Variants in EPN2 observed in about 807,000 individuals in gnomAD.
The protein encoded by EPN2 is epsin 2.
EPN2 carries 34 observed loss-of-function variants against 61.7 expected under a neutral mutation model. That is an observed-to-expected ratio of 0.55 (90% CI 0.42 to 0.73). The LOEUF (loss-of-function observed/expected upper bound fraction) is 0.73, where lower values mean the gene tolerates loss of function less well. EPN2 is among the 30% of genes least tolerant of loss of function. The probability of loss-of-function intolerance (pLI) is 0.00; values close to 1 mark genes in which losing one functional copy is unlikely to be tolerated. For synonymous variants in EPN2, 349 were observed against 353.6 expected (o/e 0.99, Z 0.15); for missense variants, 714 against 839.2 (o/e 0.85, Z 1.84).
chr17:19,240,990 G>A (rs1010405109), intron 1 of EPN2, among the ~76,000 whole-genome samples: 2 of 152,196 alleles, frequency 1.3e-5, no homozygotes, highest in Admixed American at 6.5e-5. Context: ...CAGTTGCATA[G>A]GTTTATCCAC....
chr17:19,295,319 G>A (rs1483906496), intron 4 of EPN2, among the ~76,000 whole-genome samples: 2 of 150,174 alleles, frequency 1.3e-5, no homozygotes, highest in East Asian at 4.0e-4. Flanking sequence ...CCAACGCAGT[G>A]AAACCCCATC....
chr17:19,327,870 C>T (rs907344172), intron 7 of EPN2, among the ~76,000 whole-genome samples: 6 of 152,100 alleles, frequency 3.9e-5, no homozygotes, highest in Non-Finnish European at 8.8e-5. Context: ...TTTCTGGTCC[C>T]TGAGAGGCGG....
chr17:19,248,658 T>A (rs1480455712), intron 1 of EPN2, among the ~76,000 whole-genome samples: 2 of 152,230 alleles, frequency 1.3e-5, no homozygotes, highest in Non-Finnish European at 2.9e-5. Flanking sequence ...TCCACTTCAT[T>A]TATTCTTTAC....
rs1906029256 is a variant in EPN2 at position 19,309,832 on chromosome 17, G to A, written c.767-53G>A. The A allele has an allele frequency of 2.1e-6, 3 of 1,441,096 alleles. No individual in the cohort carries two copies. The South Asian group carries it at 3.4e-5, about 16-fold the overall frequency. The allele number at this position is 1,441,096 out of a possible 1,614,324, so 89.3% of individuals were successfully genotyped here. On this transcript the variant is annotated intron_variant, in intron 4 of 10. Transcript: ENST00000314728. ...GGTCTGCCCAGGAAACTGCTGTGCA[G>A]GAGCTGTATCAGCCTTGTCTTTTGC...
chr17:19,258,562 CTT>C (rs937870547), intron 1 of EPN2, among the ~76,000 whole-genome samples: 6 of 152,290 alleles, frequency 3.9e-5, no homozygotes, highest in Admixed American at 3.3e-4. Context: ...TATTGCCTCT[CTT>C]TTCAGGAGTT....
intron 1 of EPN2, among the ~76,000 whole-genome samples, chr17:19,263,799 T>G (rs556641797): frequency 2.6e-5 from 4 of 152,354 alleles, no homozygotes; most frequent in Non-Finnish European, 5.9e-5. Flanking sequence ...CTGGCCTTCC[T>G]GAGGCCTTGG....
intron 1 of EPN2, among the ~76,000 whole-genome samples, chr17:19,242,506 C>CT (rs1227605208): frequency 1.3e-5 from 2 of 152,220 alleles, no homozygotes; most frequent in Non-Finnish European, 2.9e-5. Flanking sequence ...GCATTGGATT[C>CT]TTTCTGTGAC....
chr17:19,252,883 G>C (rs998241208), intron 1 of EPN2, among the ~76,000 whole-genome samples: 1 of 152,106 alleles, frequency 6.6e-6, no homozygotes, highest in African/African-American at 2.4e-5. Flanking sequence ...TAGAGATGGG[G>C]TTTCACCATG....
chr17:19,322,713 C>T (rs1164697162), intron 7 of EPN2, among the ~76,000 whole-genome samples: 2 of 149,504 alleles, frequency 1.3e-5, no homozygotes, highest in Non-Finnish European at 3.0e-5. Flanking sequence ...GCGCTCCAGC[C>T]TAGGTGACAG....
At chr17:19,321,083 T>G (rs559069394) in intron 7 of EPN2, among the ~76,000 whole-genome samples, 8 of 152,192 alleles carry the variant, frequency 5.3e-5, no homozygotes, top group Non-Finnish European at 1.2e-4. Context: ...AGAAGGGTTT[T>G]GAGCTGGGTT....
intron 4 of EPN2, among the ~76,000 whole-genome samples, chr17:19,306,801 G>A (rs1905865389): frequency 6.6e-6 from 1 of 152,148 alleles, no homozygotes; most frequent in Non-Finnish European, 1.5e-5. Context: ...GGGGTGGGGT[G>A]GGATATGAGC....
In EPN2 at chr17:19,329,603, A is replaced by G; in HGVS notation, c.1367A>G (p.Asp456Gly). 2 of 1,613,676 alleles carry G rather than the reference A, an allele frequency of 1.2e-6. No individual in the cohort carries two copies. The highest frequency in any genetic ancestry group is 1.7e-6 in the Non-Finnish European group (2 of 1,179,608). Reference sequence around the variant, plus strand: ...AGTAATCTGAATGGTACAATTAAAGATGACTTTTCTGAATTTGACAACCTT... The same window carrying G: ...AGTAATCTGAATGGTACAATTAAAGGTGACTTTTCTGAATTTGACAACCTT... ...LFSNLNGTIK[D>G]DFSEFDNLRT... The change falls in exon 9 of 11, where the codon GAT (aspartate) becomes GGT (glycine). Residue 456 changes from aspartate to glycine, a missense_variant. By Grantham distance (94) the Asp-to-Gly change is moderately conservative. Around this residue, in one of 2 missense-constraint regions of EPN2, gnomAD observed 410 missense variants for 421.8 expected, o/e 0.97. Transcript: ENST00000314728.
chr17:19,334,078 G>A lies in EPN2; in HGVS notation c.1750G>A (p.Gly584Arg). Residue 584 changes from glycine to arginine, a missense_variant, in exon 11 of 11, where the codon GGA becomes AGA. Physicochemically the swap from Gly to Arg is moderately radical, Grantham distance 125. Around this residue, in one of 2 missense-constraint regions of EPN2, gnomAD observed 410 missense variants for 421.8 expected, o/e 0.97. Transcript: ENST00000314728. The surrounding 1 kb of genome is among the most constrained non-coding windows in gnomAD (Gnocchi z 4.9). ...GTSTSFGPGP[G>R]VESMAVASMT... ...CAGCACATCCTTTGGGCCTGGCCCAGGAGTGGAGTCCATGGCTGTGGCCTC... is the reference window on the plus strand; with the variant it reads ...CAGCACATCCTTTGGGCCTGGCCCAAGAGTGGAGTCCATGGCTGTGGCCTC... 6.2e-7 allele frequency: 1 copy of A among 1,610,590 alleles called. No individual in the cohort carries two copies. The highest frequency in any genetic ancestry group is 8.5e-7 in the Non-Finnish European group (1 of 1,178,446).
chr17:19,332,350 C>T (rs922250582), intron 10 of EPN2, among the ~76,000 whole-genome samples: 1 of 152,052 alleles, frequency 6.6e-6, no homozygotes, highest in African/African-American at 2.4e-5. Context: ...GTTGTGAGAC[C>T]CTCGAGGGAA....
chr17:19,255,687 C>T (rs1360460019), intron 1 of EPN2, among the ~76,000 whole-genome samples: 3 of 150,814 alleles, frequency 2.0e-5, no homozygotes, highest in Non-Finnish European at 4.4e-5. Context: ...TGGTGGCTCA[C>T]TCATAGCTCA....
At chr17:19,271,689 A>T (rs1220109275) in intron 1 of EPN2, 1 of 152,252 alleles carries the variant, frequency 6.6e-6, no homozygotes, top group African/African-American at 2.4e-5. Flanking sequence ...TGAAGCTACT[A>T]TGGAAAGAGT....
intron 4 of EPN2, chr17:19,305,954 T>C (rs1484020644): frequency 6.6e-6 from 1 of 152,240 alleles, no homozygotes; most frequent in Non-Finnish European, 1.5e-5. Flanking sequence ...GTTACAGTTC[T>C]TGACCACAGC....
intron 1 of EPN2, among the ~76,000 whole-genome samples, chr17:19,269,270 A>G (rs1420013912): frequency 6.6e-6 from 1 of 152,242 alleles, no homozygotes; most frequent in African/African-American, 2.4e-5. Flanking sequence ...AGTGTTGCAC[A>G]GTAAATAAAA....
chr17:19,310,646 T>TGGCTCCCTGAGACCTCC (rs1906092443), intron 5 of EPN2, among the ~76,000 whole-genome samples: 1 of 143,236 alleles, frequency 7.0e-6, no homozygotes, highest in Admixed American at 7.1e-5. Context: ...GGTGCAATCT[T>TGGCTCCCTGAGACCTCC]GGCTCCCTGA....
Sources: allele counts gnomAD v4.1 joint callset (sites outside exome capture counted in the v4.1 genomes callset), GRCh38; gene constraint gnomAD v4.1.1; regional missense constraint gnomAD v4.1.1; non-coding constraint Gnocchi (gnomAD v3.1); transcripts MANE v1.5; gene names NCBI Gene and HGNC (gene_info 2026-07-23, HGNC 2026-07-21).